FRMD6: variants seen among roughly 807,000 people sequenced by gnomAD.
FRMD6 encodes the protein FERM domain-containing protein 6.
In FRMD6, 37 loss-of-function variants were observed where a neutral mutation model predicts 73.2. The ratio of observed to expected loss-of-function variants is 0.51; its 90% CI spans 0.39 to 0.66. FRMD6 has a LOEUF of 0.66. FRMD6 is among the 30% of genes least tolerant of loss of function. The pLI, the probability that FRMD6 is intolerant of heterozygous loss-of-function variation, is 0.00. For missense variants in FRMD6, 714 were observed against 780.5 expected (o/e 0.91, Z 1.02); for synonymous variants, 273 against 282.2 (o/e 0.97, Z 0.33).
At chr14:51,438,386 G>A in the FRMD6 span, among the ~76,000 whole-genome samples, 5 of 152,176 alleles carry the variant, frequency 3.3e-5, no homozygotes, top group Non-Finnish European at 5.9e-5. Flanking sequence ...ATGATGCTCA[G>A]TTTTAAAGGT....
intron 1 of FRMD6, among the ~76,000 whole-genome samples, chr14:51,503,024 A>G (rs1022056048): frequency 1.3e-5 from 2 of 152,092 alleles, no homozygotes; most frequent in Non-Finnish European, 2.9e-5. Flanking sequence ...TAGGAATGCT[A>G]GTGATTTTTG....
At chr14:51,530,854 C>G (rs1885542124) in intron 1 of FRMD6, among the ~76,000 whole-genome samples, 1 of 152,154 alleles carries the variant, frequency 6.6e-6, no homozygotes, top group Non-Finnish European at 1.5e-5. Context: ...GCAGATACCA[C>G]CTTAACAAAG....
chr14:51,482,312 G>T, the FRMD6 span, among the ~76,000 whole-genome samples: 2 of 152,170 alleles, frequency 1.3e-5, no homozygotes, highest in Non-Finnish European at 2.9e-5. Flanking sequence ...GCCAGCCCTC[G>T]CACGTGGTGT....
At chr14:51,439,179 C>T in the FRMD6 span, among the ~76,000 whole-genome samples, 1 of 152,154 alleles carries the variant, frequency 6.6e-6, no homozygotes, top group East Asian at 1.9e-4. Context: ...ATGGAACTAT[C>T]CCACCAACAG....
At chr14:51,653,397 T>A (rs2140105783) in intron 1 of FRMD6, among the ~76,000 whole-genome samples, 1 of 152,330 alleles carries the variant, frequency 6.6e-6, no homozygotes, top group African/African-American at 2.4e-5. Flanking sequence ...TTCCTTTCTG[T>A]GATTTCAGGG....
At chr14:51,434,780 A>G in the FRMD6 span, among the ~76,000 whole-genome samples, 21 of 152,240 alleles carry the variant, frequency 1.4e-4, no homozygotes, top group South Asian at 4.4e-3. Context: ...TGGTAGAAAA[A>G]CCTGGCATGC....
At chr14:51,570,138 G>T (rs1888054284) in intron 1 of FRMD6, among the ~76,000 whole-genome samples, 1 of 152,080 alleles carries the variant, frequency 6.6e-6, no homozygotes, top group South Asian at 2.1e-4. Context: ...GCCCGGCGGA[G>T]AATTTTCTTT....
At chr14:51,717,061 A>G (rs1897278770) in intron 10 of FRMD6, among the ~76,000 whole-genome samples, 1 of 152,180 alleles carries the variant, frequency 6.6e-6, no homozygotes, top group Non-Finnish European at 1.5e-5. Flanking sequence ...ACCTTCCTCT[A>G]TAGGTTCTAA....
chr14:51,697,890 A>G (rs1199864160), intron 2 of FRMD6: 1 of 304,454 alleles, frequency 3.3e-6, no homozygotes, highest in Non-Finnish European at 6.1e-6. Flanking sequence ...CCATGGTTTC[A>G]GAGCTTTGTC....
At chr14:51,593,744 C>A (rs1237208590) in intron 2 of FRMD6, among the ~76,000 whole-genome samples, 1 of 152,096 alleles carries the variant, frequency 6.6e-6, no homozygotes, top group Non-Finnish European at 1.5e-5. Context: ...ACCCTGACTC[C>A]CGTTTCTGGA....
chr14:51,476,020 C>T, the FRMD6 span, among the ~76,000 whole-genome samples: 1 of 152,046 alleles, frequency 6.6e-6, no homozygotes, highest in Admixed American at 6.5e-5. Flanking sequence ...ATTTTAGGAC[C>T]CTGGGGCTGC....
chr14:51,671,709 C>T (rs945160145), intron 1 of FRMD6, among the ~76,000 whole-genome samples: 34 of 152,198 alleles, frequency 2.2e-4, no homozygotes, highest in African/African-American at 7.9e-4. Context: ...GGGGACAGTG[C>T]CCTAAAGAAA....
At chr14:51,440,374 A>G in the FRMD6 span, among the ~76,000 whole-genome samples, 1 of 152,230 alleles carries the variant, frequency 6.6e-6, no homozygotes, top group Non-Finnish European at 1.5e-5. Context: ...ATACCCAAGA[A>G]CAATTAATTA....
At chr14:51,697,789 T>A (rs1896044964) in intron 2 of FRMD6, among the ~76,000 whole-genome samples, 1 of 152,136 alleles carries the variant, frequency 6.6e-6, no homozygotes. Flanking sequence ...TAAAAATTTT[T>A]TAAAAAAGAT....
intron 1 of FRMD6, among the ~76,000 whole-genome samples, chr14:51,567,749 C>T (rs1887854866): frequency 6.6e-6 from 1 of 152,208 alleles, no homozygotes; most frequent in African/African-American, 2.4e-5. Flanking sequence ...GTCTGTACTG[C>T]ACAGTTAATG....
chr14:51,498,289 G>A (rs1199452711), intron 1 of FRMD6, among the ~76,000 whole-genome samples: 1 of 152,172 alleles, frequency 6.6e-6, no homozygotes, highest in Non-Finnish European at 1.5e-5. Flanking sequence ...TCAAAAATAT[G>A]GGTTTCCCTT....
At chr14:51,407,195 TTTTA>T in the FRMD6 span, among the ~76,000 whole-genome samples, 1 of 152,084 alleles carries the variant, frequency 6.6e-6, no homozygotes, top group Non-Finnish European at 1.5e-5. Context: ...GTAACATCCA[TTTTA>T]TTTATTATTG....
chr14:51,425,468 G>A, the FRMD6 span, among the ~76,000 whole-genome samples: 72 of 152,130 alleles, frequency 4.7e-4, 1 homozygote, highest in Non-Finnish European at 6.3e-4. Context: ...TCTCTTCTGA[G>A]CTTGTCAGCA....
At chr14:51,455,755 G>C in the FRMD6 span, among the ~76,000 whole-genome samples, 1 of 152,186 alleles carries the variant, frequency 6.6e-6, no homozygotes, top group Non-Finnish European at 1.5e-5. Context: ...CTGGGAATGA[G>C]AGGAGACAGC....
Sources: allele counts gnomAD v4.1 joint callset (sites outside exome capture counted in the v4.1 genomes callset), GRCh38; gene constraint gnomAD v4.1.1; transcripts MANE v1.5; gene names NCBI Gene and HGNC (gene_info 2026-07-23, HGNC 2026-07-21).